C10orf67: variants seen among roughly 807,000 people sequenced by gnomAD.
The protein encoded by C10orf67 is uncharacterized protein C10orf67, mitochondrial.
A neutral mutation model predicts 35.6 loss-of-function variants in C10orf67; 60 were observed. The ratio of observed to expected loss-of-function variants is 1.68; its 90% CI spans 1.37 to 2.09. C10orf67 has a LOEUF of 2.09. Ranked by LOEUF, C10orf67 falls within the 30% of genes most tolerant of loss-of-function variation. The pLI, the probability that C10orf67 is intolerant of heterozygous loss-of-function variation, is 0.00. For missense variants in C10orf67, 474 were observed against 330.2 expected (o/e 1.44, Z -3.38); for synonymous variants, 167 against 115.8 (o/e 1.44, Z -2.84).
intron 8 of C10orf67, among the ~76,000 whole-genome samples, chr10:23,275,144 A>T (rs1843150347): frequency 1.3e-5 from 2 of 152,070 alleles, no homozygotes; most frequent in African/African-American, 4.8e-5. Context: ...TTCCTTACAG[A>T]GAGTATTTCC....
intron 6 of C10orf67, 128 bp from the exon 7 acceptor site, chr10:23,290,086 G>C: frequency 1.7e-6 from 1 of 605,406 alleles, no homozygotes; most frequent in Non-Finnish European, 3.0e-6. Context: ...TAGCAGGACT[G>C]TGACCTTCAC....
At chr10:23,321,078 T>C (rs1019178044) in intron 3 of C10orf67, among the ~76,000 whole-genome samples, 69 of 152,214 alleles carry the variant, frequency 4.5e-4, no homozygotes, top group African/African-American at 1.6e-3. Flanking sequence ...TTCACTTGAG[T>C]AAAGTCTTTC....
chr10:23,228,536 C>T (rs1311764617), intron 13 of C10orf67, among the ~76,000 whole-genome samples: 2 of 152,166 alleles, frequency 1.3e-5, no homozygotes, highest in African/African-American at 4.8e-5. Flanking sequence ...TGGGCAAGGA[C>T]TTCATCTCTA....
In C10orf67 at chr10:23,266,163, G is replaced by A. The variant is rs547639477; in HGVS notation, c.1200+99C>T. The A allele has an allele frequency of 1.7e-4, 69 of 397,072 alleles. No homozygotes were observed. The South Asian group carries it at 6.0e-3, about 34-fold the overall frequency. 24.6% of individuals were successfully genotyped at this position (397,072 alleles called of 1,614,324 possible). On this transcript the variant is annotated intron_variant, in intron 10 of 15. Transcript: ENST00000636213. ...CCCCCCACTCAGGGGGTGAGAACCC[G>A]GTGTGCTTAGACTGCAGGCCTCATG...
At chr10:23,273,355 T>G (rs1201456917) in intron 8 of C10orf67, among the ~76,000 whole-genome samples, 1 of 152,268 alleles carries the variant, frequency 6.6e-6, no homozygotes, top group Non-Finnish European at 1.5e-5. Flanking sequence ...TTCTCTTCTA[T>G]TCCCAGTTTG....
chr10:23,254,344 ATT>A (rs1405048290), intron 10 of C10orf67, among the ~76,000 whole-genome samples: 1 of 152,060 alleles, frequency 6.6e-6, no homozygotes, highest in Non-Finnish European at 1.5e-5. Context: ...AGTAGCTGGG[ATT>A]ACAGGTGCCT....
At chr10:23,337,355 G>A (rs1188269910) in intron 1 of C10orf67, among the ~76,000 whole-genome samples, 1 of 152,080 alleles carries the variant, frequency 6.6e-6, no homozygotes, top group Non-Finnish European at 1.5e-5. Context: ...CCAACATGGC[G>A]AGACCTTGTC....
At chr10:23,244,184 C>T (rs1199934573) in intron 12 of C10orf67, among the ~76,000 whole-genome samples, 1 of 152,134 alleles carries the variant, frequency 6.6e-6, no homozygotes. Context: ...AGCCACTGTG[C>T]CCAGCCCATA....
At chr10:23,282,446 T>C (rs903723087) in intron 7 of C10orf67, among the ~76,000 whole-genome samples, 1 of 152,200 alleles carries the variant, frequency 6.6e-6, no homozygotes, top group Non-Finnish European at 1.5e-5. Context: ...ACCACATTTA[T>C]GCCAATTGAA....
chr10:23,303,344 T>G lies in C10orf67; in HGVS notation c.662A>C (p.Glu221Ala), dbSNP rs1212148218. ...AAAATCTTTATATTGGTCTAGTTCT[T>G]CTTTTAATTCTTTAATAACTTCTTC... ...EKEEVIKELK[E>A]ELDQYKDFGF... Residue 221 changes from glutamate (E) to alanine (A), a missense_variant, in exon 5 of 16, where the codon GAA becomes GCA. Glu to Ala is a moderately radical substitution (Grantham distance 107, BLOSUM62 -1). Coordinates refer to ENST00000636213, the MANE Select transcript of C10orf67 (RefSeq NM_001371909.1). 4 of 629,050 alleles carry G rather than the reference T, an allele frequency of 6.4e-6. No homozygotes were observed. The highest frequency in any genetic ancestry group is 1.1e-5 in the Non-Finnish European group (4 of 348,676). 39.0% of individuals were successfully genotyped at this position (629,050 alleles called of 1,614,324 possible). A position where few individuals can be genotyped will look rare whatever the true frequency, so the allele number is the denominator to read the frequency against.
intron 5 of C10orf67, among the ~76,000 whole-genome samples, chr10:23,292,158 C>CTTTTTTTTTTTTTTTTTTTTTTTCTT (rs542812504): frequency 1.4e-5 from 1 of 69,316 alleles, no homozygotes; most frequent in Non-Finnish European, 2.6e-5. Flanking sequence ...GACAGCTACT[C>CTTTTTTTTTTTTTTTTTTTTTTTCTT]TTTTTTTTTT....
intron 4 of C10orf67, among the ~76,000 whole-genome samples, chr10:23,305,094 C>T (rs1844226053): frequency 6.6e-6 from 1 of 152,188 alleles, no homozygotes; most frequent in African/African-American, 2.4e-5. Flanking sequence ...GAGGAAGTGT[C>T]TGCTCATCCA....
chr10:23,273,327 G>A (rs935890857), intron 8 of C10orf67, among the ~76,000 whole-genome samples: 3 of 152,108 alleles, frequency 2.0e-5, no homozygotes, highest in African/African-American at 4.8e-5. Context: ...CGTAGATATC[G>A]CCTATCAGCT....
At chr10:23,235,026 A>T (rs1294116793) in intron 13 of C10orf67, among the ~76,000 whole-genome samples, 1 of 151,226 alleles carries the variant, frequency 6.6e-6, no homozygotes, top group East Asian at 1.9e-4. Context: ...AAAAAAAAAA[A>T]AAAAAAGCTA....
At chr10:23,334,675 G>A (rs572753252) in intron 1 of C10orf67, among the ~76,000 whole-genome samples, 5 of 152,240 alleles carry the variant, frequency 3.3e-5, no homozygotes, top group Non-Finnish European at 7.3e-5. Flanking sequence ...GGATGTCCAG[G>A]GACGGGTGTA....
At chr10:23,318,132 A>T (rs1248482941) in intron 4 of C10orf67, 1 of 107,642 alleles carries the variant, frequency 9.3e-6, no homozygotes, top group Non-Finnish European at 1.7e-5. Context: ...AAGACCCAAA[A>T]ATAAAAAGCA....
chr10:23,272,487 C>T (rs988297750), intron 8 of C10orf67, among the ~76,000 whole-genome samples: 1 of 152,204 alleles, frequency 6.6e-6, no homozygotes, highest in African/African-American at 2.4e-5. Context: ...GGTCAGAAAT[C>T]AATTCATTAT....
At chr10:23,227,521 C>T (rs1751018238) in intron 13 of C10orf67, among the ~76,000 whole-genome samples, 1 of 152,166 alleles carries the variant, frequency 6.6e-6, no homozygotes, top group Admixed American at 6.5e-5. Flanking sequence ...CCTTTGAAAA[C>T]TGGCACAAGA....
In C10orf67 at chr10:23,285,495, G is replaced by C. The variant is rs569446771; in HGVS notation, c.910-3417C>G. On this transcript the variant is annotated intron_variant, in intron 7 of 15. Coordinates refer to ENST00000636213, the MANE Select transcript of C10orf67 (RefSeq NM_001371909.1). ...AAAAAGGCAACAGAAATAGGTAAAA[G>C]CAATTTTAATAATGTGTTTTTTATC... is the stretch of plus-strand genomic sequence containing the variant. Among the ~76,000 whole-genome samples, 78 of 151,150 alleles carry C rather than the reference G, an allele frequency of 5.2e-4. 1 individual carries two copies. The Middle Eastern group carries it at 0.017, about 33-fold the overall frequency.
Sources: allele counts gnomAD v4.1 joint callset (sites outside exome capture counted in the v4.1 genomes callset), GRCh38; gene constraint gnomAD v4.1.1; transcripts MANE v1.5; gene names NCBI Gene and HGNC (gene_info 2026-07-23, HGNC 2026-07-21).